The following CAMKMT variants were observed in gnomAD, a reference collection of about 807,000 sequenced individuals.
CAMKMT encodes the protein calmodulin-lysine N-methyltransferase, also known as CaM KMT.
In CAMKMT, 53 loss-of-function variants were observed where a neutral mutation model predicts 48.0. The observed-to-expected ratio is 1.10, with a 90% confidence interval of 0.89 to 1.39. CAMKMT has a LOEUF of 1.39. Among genes scored for constraint, CAMKMT ranks in the 40% most tolerant of loss-of-function variants. The pLI, the probability that CAMKMT is intolerant of heterozygous loss-of-function variation, is 0.00. For missense variants in CAMKMT, 428 were observed against 402.7 expected, an observed-to-expected ratio of 1.06 and a Z score of -0.54; for synonymous variants, 165 against 152.3, an observed-to-expected ratio of 1.08 and a Z score of -0.61.
intron 3 of CAMKMT, among the ~76,000 whole-genome samples, chr2:44,394,573 G>A (rs944931402): frequency 4.6e-5 from 7 of 151,924 alleles, no homozygotes; most frequent in Admixed American, 1.3e-4. Context: ...GATTACAGGC[G>A]CCTGCTACTA....
Position 44,570,297 on chromosome 2 carries a change from G to T in CAMKMT, c.377-133986G>T, listed in dbSNP as rs953473861. The stretch of plus-strand genomic sequence containing the variant: ...TGTTAAATGAATAAAACCCCAGTGT[G>T]CCAAACGGAGACATACAAAGCAATC... On this transcript the variant is annotated intron_variant, in intron 3 of 10. Transcript: ENST00000378494. Among the ~76,000 whole-genome samples, 4 of 152,136 alleles carry T rather than the reference G, an allele frequency of 2.6e-5. No individual in the cohort carries two copies. The South Asian group carries it at 6.2e-4, about 24-fold the overall frequency.
intron 3 of CAMKMT, among the ~76,000 whole-genome samples, chr2:44,424,024 A>C (rs779076937): frequency 6.6e-6 from 1 of 152,210 alleles, no homozygotes; most frequent in Non-Finnish European, 1.5e-5. Context: ...AATAATTAGC[A>C]TGTATATTAT....
At chr2:44,452,593 T>G (rs577911616) in intron 3 of CAMKMT, among the ~76,000 whole-genome samples, 1 of 152,196 alleles carries the variant, frequency 6.6e-6, no homozygotes, top group East Asian at 1.9e-4. Context: ...TTACAGAGTT[T>G]AATTTTGCTG....
intron 3 of CAMKMT, chr2:44,394,782 A>T: frequency 2.2e-6 from 1 of 448,740 alleles, no homozygotes. Context: ...GTGGTCTGAT[A>T]GCAGAATCTG....
chr2:44,491,169 A>G (rs1669483901), intron 3 of CAMKMT, among the ~76,000 whole-genome samples: 1 of 131,444 alleles, frequency 7.6e-6, no homozygotes, highest in East Asian at 2.0e-4. Flanking sequence ...AAAAAAAAAA[A>G]AGGTAAATGC....
intron 3 of CAMKMT, among the ~76,000 whole-genome samples, chr2:44,648,895 C>G (rs1673903538): frequency 6.6e-6 from 1 of 152,190 alleles, no homozygotes; most frequent in Admixed American, 6.5e-5. Flanking sequence ...AGCTTCCAGA[C>G]AAGTACTATA....
chr2:44,636,486 G>A (rs1572968102), intron 3 of CAMKMT, among the ~76,000 whole-genome samples: 1 of 152,198 alleles, frequency 6.6e-6, no homozygotes, highest in African/African-American at 2.4e-5. Context: ...GGTTACCAGT[G>A]TAACTTAGGT....
At chr2:44,532,130 C>A (rs1274358101) in intron 3 of CAMKMT, among the ~76,000 whole-genome samples, 1 of 152,094 alleles carries the variant, frequency 6.6e-6, no homozygotes, top group Non-Finnish European at 1.5e-5. Flanking sequence ...TCATTTTAAT[C>A]AACATTTTAA....
intron 3 of CAMKMT, among the ~76,000 whole-genome samples, chr2:44,673,490 GA>G (rs1326168099): frequency 1.5e-5 from 2 of 133,954 alleles, no homozygotes; most frequent in African/African-American, 5.8e-5. Flanking sequence ...AGGAAGGAAG[GA>G]AGGAAGGAAG....
intron 3 of CAMKMT, among the ~76,000 whole-genome samples, chr2:44,463,648 A>G (rs698800): frequency 0.8 from 121,343 of 152,092 alleles, 48,898 homozygotes; most frequent in African/African-American, 0.91. Context: ...ACAAAAGAGA[A>G]CTTAGTAGCT....
chr2:44,745,554 C>T (rs1412457720), intron 8 of CAMKMT, among the ~76,000 whole-genome samples: 1 of 152,132 alleles, frequency 6.6e-6, no homozygotes, highest in Admixed American at 6.5e-5. Context: ...CATAGATACA[C>T]ATCTGGTAGC....
At chr2:44,586,799 G>C (rs1669882149) in intron 3 of CAMKMT, among the ~76,000 whole-genome samples, 1 of 152,118 alleles carries the variant, frequency 6.6e-6, no homozygotes, top group South Asian at 2.1e-4. Context: ...TTAGACATAT[G>C]CTCTTATTTT....
intron 3 of CAMKMT, among the ~76,000 whole-genome samples, chr2:44,628,346 T>G (rs947326536): frequency 6.6e-6 from 1 of 152,138 alleles, no homozygotes; most frequent in Non-Finnish European, 1.5e-5. Context: ...TGGCTTTTTG[T>G]TTCATTGTTT....
chr2:44,460,680 A>G (rs1667800045), intron 3 of CAMKMT, among the ~76,000 whole-genome samples: 2 of 151,432 alleles, frequency 1.3e-5, no homozygotes. Context: ...AAACTAGTAA[A>G]CAAAGACATA....
intron 3 of CAMKMT, among the ~76,000 whole-genome samples, chr2:44,642,104 T>C (rs561141367): frequency 3.9e-5 from 6 of 152,234 alleles, no homozygotes; most frequent in Non-Finnish European, 8.8e-5. Flanking sequence ...AAAATGGTAA[T>C]GAATATGCTA....
At chr2:44,383,068 C>T (rs1425517104) in intron 2 of CAMKMT, among the ~76,000 whole-genome samples, 1 of 151,986 alleles carries the variant, frequency 6.6e-6, no homozygotes, top group African/African-American at 2.4e-5. Flanking sequence ...CCTCACACTG[C>T]CTTTTCGGAG....
At chr2:44,721,685 C>T (rs1046065371) in intron 7 of CAMKMT, among the ~76,000 whole-genome samples, 2 of 152,182 alleles carry the variant, frequency 1.3e-5, no homozygotes, top group African/African-American at 4.8e-5. Flanking sequence ...AAAGCTCATA[C>T]TTGGCCAGAT....
intron 1 of CAMKMT, among the ~76,000 whole-genome samples, 175 bp downstream of exon 1, chr2:44,362,320 A>T (rs1677968796): frequency 6.6e-6 from 1 of 152,002 alleles, no homozygotes; most frequent in Admixed American, 6.5e-5. Context: ...ATCCAAGAGG[A>T]GGAATCATGT....
At chr2:44,693,821 T>C (rs1467205) in intron 3 of CAMKMT, among the ~76,000 whole-genome samples, 28,595 of 152,178 alleles carry the variant, frequency 0.19, 3,345 homozygotes, top group East Asian at 0.58. Context: ...GTGCATTTAT[T>C]CTTCCAGAAG....
Sources: gnomAD v4.1 joint callset for allele counts (sites outside exome capture counted in the v4.1 genomes callset) on GRCh38, gnomAD v4.1.1 for gene constraint, MANE v1.5 for transcripts, NCBI Gene and HGNC (gene_info 2026-07-23, HGNC 2026-07-21) for gene names.